Variants in XPNPEP3 observed in about 807,000 individuals in gnomAD.
XPNPEP3 encodes xaa-Pro aminopeptidase 3.
XPNPEP3 carries 41 observed loss-of-function variants against 60.0 expected under a neutral mutation model. The ratio of observed to expected loss-of-function variants is 0.68; its 90% CI spans 0.53 to 0.89. XPNPEP3 has a LOEUF of 0.89. Ranked by LOEUF, XPNPEP3 falls within the 40% of genes least tolerant of loss-of-function variation. The pLI, the probability that XPNPEP3 is intolerant of heterozygous loss-of-function variation, is 0.00. For synonymous variants in XPNPEP3, 212 were observed against 223.2 expected (o/e 0.95, Z 0.45); for missense variants, 598 against 638.9 (o/e 0.94, Z 0.69).
intron 3 of XPNPEP3, among the ~76,000 whole-genome samples, chr22:40,885,722 C>T (rs1601501404): frequency 6.6e-6 from 1 of 152,174 alleles, no homozygotes; most frequent in East Asian, 1.9e-4. Context: ...TGGTGATTCA[C>T]GCCTGTAATC....
intron 4 of XPNPEP3, among the ~76,000 whole-genome samples, chr22:40,896,650 A>G (rs2058109392): frequency 6.6e-6 from 1 of 152,056 alleles, no homozygotes; most frequent in Non-Finnish European, 1.5e-5. Context: ...AAAATTTACC[A>G]TTTTAGCCAT....
intron 7 of XPNPEP3, among the ~76,000 whole-genome samples, chr22:40,915,552 A>G (rs77602796): frequency 1.4e-5 from 2 of 140,796 alleles, no homozygotes; most frequent in East Asian, 2.0e-4. Flanking sequence ...ACTCTATCTG[A>G]AAAAAAAAAA....
chr22:40,872,546 G>T (rs2058010467), intron 2 of XPNPEP3, among the ~76,000 whole-genome samples: 1 of 152,006 alleles, frequency 6.6e-6, no homozygotes, highest in Non-Finnish European at 1.5e-5. Flanking sequence ...TGCCTCCCGG[G>T]TTAAAGCAGT....
chr22:40,874,330 G>A (rs1317420119), intron 2 of XPNPEP3, among the ~76,000 whole-genome samples: 1 of 152,120 alleles, frequency 6.6e-6, no homozygotes, highest in East Asian at 1.9e-4. Context: ...TGCCTAGACT[G>A]TTGGGTAAGC....
intron 2 of XPNPEP3, among the ~76,000 whole-genome samples, chr22:40,874,684 C>T (rs778332280): frequency 1.3e-5 from 2 of 152,134 alleles, no homozygotes; most frequent in African/African-American, 2.4e-5. Flanking sequence ...CCTTGGCCCC[C>T]CAAAGTGCTG....
chr22:40,891,721 C>T (rs1470642172), intron 4 of XPNPEP3, among the ~76,000 whole-genome samples: 1 of 151,808 alleles, frequency 6.6e-6, no homozygotes, highest in Non-Finnish European at 1.5e-5. Context: ...TGCAACAGAA[C>T]TCATTTATCT....
At chr22:40,903,650 C>T (rs1029093391) in intron 4 of XPNPEP3, among the ~76,000 whole-genome samples, 4 of 151,826 alleles carry the variant, frequency 2.6e-5, no homozygotes, top group Non-Finnish European at 4.4e-5. Context: ...CCACCATGCC[C>T]GGCTAATTTT....
chr22:40,893,505 CAAAAAAAAA>C (rs764114832), intron 4 of XPNPEP3, among the ~76,000 whole-genome samples: 2 of 40,252 alleles, frequency 5.0e-5, no homozygotes, highest in African/African-American at 1.7e-4. Flanking sequence ...AACTCTATCT[CAAAAAAAAA>C]AAAAAAAAAA....
chr22:40,877,699 CTT>C (rs1197191809), intron 2 of XPNPEP3, among the ~76,000 whole-genome samples: 1 of 152,082 alleles, frequency 6.6e-6, no homozygotes, highest in African/African-American at 2.4e-5. Flanking sequence ...AAAATGCTGA[CTT>C]TGTTTTTTAA....
At chr22:40,921,568 G>A (rs992071934) in intron 7 of XPNPEP3, among the ~76,000 whole-genome samples, 1 of 151,506 alleles carries the variant, frequency 6.6e-6, no homozygotes, top group Non-Finnish European at 1.5e-5. Flanking sequence ...ACATTATGCT[G>A]TGGGTTTCTT....
chr22:40,858,099 G>A (rs1033330964), intron 1 of XPNPEP3, among the ~76,000 whole-genome samples: 2 of 152,186 alleles, frequency 1.3e-5, no homozygotes, highest in Non-Finnish European at 2.9e-5. Context: ...TGAAAAGAAA[G>A]ATGTGCAATT....
intron 4 of XPNPEP3, among the ~76,000 whole-genome samples, chr22:40,905,796 GTTTTCT>G (rs1309795356): frequency 6.6e-6 from 1 of 151,672 alleles, no homozygotes; most frequent in African/African-American, 2.4e-5. Flanking sequence ...ATGTTTTCAT[GTTTTCT>G]TTTTTTTTTA....
intron 6 of XPNPEP3, among the ~76,000 whole-genome samples, chr22:40,911,875 G>C (rs2058178493): frequency 6.6e-6 from 1 of 152,092 alleles, no homozygotes; most frequent in South Asian, 2.1e-4. Context: ...AGCAGTTAGT[G>C]TGGTTCATGA....
In XPNPEP3 at chr22:40,907,621, C is replaced by A; in HGVS notation, c.827C>A (p.Pro276His). 1 of 1,614,054 alleles carries A rather than the reference C, an allele frequency of 6.2e-7. No individual in the cohort carries two copies. The highest frequency in any genetic ancestry group is 8.5e-7 in the Non-Finnish European group (1 of 1,179,992). The change falls in exon 5 of 10, where the codon CCT (proline) becomes CAT (histidine). Residue 276 changes from proline to histidine, a missense_variant. Pro to His is a moderately conservative substitution (Grantham distance 77). Coordinates refer to ENST00000357137, the MANE Select transcript of XPNPEP3 (RefSeq NM_022098.4). ...FIETMFTSKAPVEEAFLYAKF... is the reference protein window; with the variant it reads ...FIETMFTSKAHVEEAFLYAKF... Reference sequence around the variant, plus strand: ...GAAACCATGTTCACCAGTAAAGCCCCTGTGGAAGAAGCCTTTCTTTATGCT... The same window carrying A: ...GAAACCATGTTCACCAGTAAAGCCCATGTGGAAGAAGCCTTTCTTTATGCT...
chr22:40,899,185 A>G (rs1336680625), intron 4 of XPNPEP3, among the ~76,000 whole-genome samples: 1 of 152,096 alleles, frequency 6.6e-6, no homozygotes. Context: ...TGCCACTCGA[A>G]TTATTTTAGC....
chr22:40,870,876 A>G (rs1277287139), intron 2 of XPNPEP3, among the ~76,000 whole-genome samples: 1 of 152,038 alleles, frequency 6.6e-6, no homozygotes, highest in Non-Finnish European at 1.5e-5. Flanking sequence ...CCCCAAAAAA[A>G]AAATTAGCCG....
chr22:40,898,229 T>TA (rs2058117227), intron 4 of XPNPEP3, among the ~76,000 whole-genome samples: 1 of 31,602 alleles, frequency 3.2e-5, no homozygotes, highest in Non-Finnish European at 6.5e-5. Flanking sequence ...TGACCCATTT[T>TA]TTTTTTTTTT....
In XPNPEP3 at chr22:40,909,207, A is replaced by G. The variant is rs771344375; in HGVS notation, c.941A>G (p.His314Arg). The G allele has an allele frequency of 6.2e-7, 1 of 1,614,160 alleles. No homozygotes were observed. Residue 314 changes from histidine to arginine, a missense_variant, in exon 6 of 10, where the codon CAC becomes CGC. His to Arg is a conservative substitution (Grantham distance 29). Coordinates refer to ENST00000357137, the MANE Select transcript of XPNPEP3 (RefSeq NM_022098.4). ...VAGGNRSNTL[H>R]YVKNNQLIKD... ...GGTGGTAATCGGTCAAACACTTTGCACTATGTGAAAAATAATCAACTCATC... is the reference window on the plus strand; with the variant it reads ...GGTGGTAATCGGTCAAACACTTTGCGCTATGTGAAAAATAATCAACTCATC...
Position 40,886,324 on chromosome 22 carries a change from A to T in XPNPEP3, c.601A>T (p.Met201Leu), listed in dbSNP as rs781186932. 1 of 1,614,060 alleles carries T rather than the reference A, an allele frequency of 6.2e-7. No homozygotes were observed. Among genetic ancestry groups the T allele is most frequent in the South Asian group, 1.1e-5 (1 of 91,082 alleles). The change falls in exon 4 of 10, where the codon ATG (methionine) becomes TTG (leucine). Residue 201 changes from methionine to leucine, a missense_variant. By Grantham distance (15) the Met-to-Leu change is conservative. Transcript: ENST00000357137. ...LLPKMKAETN[M>L]VWYDWMRPSH... ...CTTCTCATTCTAAGCTGAGACGAAC[A>T]TGGTTTGGTATGACTGGATGAGGCC...
Sources: allele counts gnomAD v4.1 joint callset (sites outside exome capture counted in the v4.1 genomes callset), GRCh38; gene constraint gnomAD v4.1.1; transcripts MANE v1.5; gene names NCBI Gene and HGNC (gene_info 2026-07-23, HGNC 2026-07-21).